Variants in TRMU observed in about 807,000 individuals in gnomAD.
The protein encoded by TRMU is tRNA mitochondrial 2-thiouridylase.
A neutral mutation model predicts 46.9 loss-of-function variants in TRMU; 49 were observed. That is an observed-to-expected ratio of 1.05 (90% confidence interval 0.83 to 1.33). The LOEUF is 1.33. Among genes scored for constraint, TRMU ranks in the 40% most tolerant of loss-of-function variants. TRMU has a pLI of 0.00. For missense variants in TRMU, 572 were observed against 532.4 expected (o/e 1.07, Z -0.73); for synonymous variants, 241 against 200.9 (o/e 1.20, Z -1.69).
At chr22:46,353,986 C>G in intron 8 of TRMU, 119 bp downstream of exon 8, 1 of 891,842 alleles carries the variant, frequency 1.1e-6, no homozygotes, top group South Asian at 1.4e-5. Flanking sequence ...CTGTGACTAA[C>G]TCTGTTCCTG....
At chr22:46,337,280 G>A (rs1601933579) in intron 1 of TRMU, among the ~76,000 whole-genome samples, 1 of 152,234 alleles carries the variant, frequency 6.6e-6, no homozygotes, top group African/African-American at 2.4e-5. Context: ...CAATATTTGG[G>A]TGAATATTTT....
At chr22:46,346,727 T>C (rs1012512632) in intron 4 of TRMU, among the ~76,000 whole-genome samples, 183 bp downstream of exon 4, 4 of 152,148 alleles carry the variant, frequency 2.6e-5, no homozygotes, top group African/African-American at 9.7e-5. Context: ...GGAGGGCCTG[T>C]GATTGGGTAG....
In TRMU at chr22:46,355,633, G is replaced by A. The variant is rs201061657; in HGVS notation, c.1018+45G>A. ...CTGAGGACGGGCCCCTTGAAGCTGAGCTTCCTGAGGCCAGATTTGGGCCAG... is the reference window on the plus strand; with the variant it reads ...CTGAGGACGGGCCCCTTGAAGCTGAACTTCCTGAGGCCAGATTTGGGCCAG... On this transcript the variant is annotated intron_variant, in intron 9 of 10. Coordinates refer to ENST00000645190, the MANE Select transcript of TRMU (RefSeq NM_018006.5). 6.0e-5 allele frequency: 96 copies of A among 1,613,086 alleles called. No homozygotes were observed. The African/African-American group carries it at 1.2e-3, about 21-fold the overall frequency.
intron 7 of TRMU, 199 bp downstream of exon 7, chr22:46,352,529 G>C (rs1277792149): frequency 1.5e-6 from 1 of 649,912 alleles, no homozygotes; most frequent in East Asian, 2.7e-5. Context: ...TTCCAGATGT[G>C]GCCTCAGCTG....
At position 46,352,251 on chromosome 22, in the gene TRMU, G is replaced by A; in HGVS notation, c.706-13G>A. 2 of 1,614,222 alleles carry A rather than the reference G, an allele frequency of 1.2e-6. No individual in the cohort carries two copies. Among genetic ancestry groups the A allele is most frequent in the Non-Finnish European group, 1.7e-6 (2 of 1,180,050 alleles). On this transcript the variant is annotated splice_polypyrimidine_tract_variant and intron_variant, in intron 6 of 10. Transcript: ENST00000645190. ...CCTAGATCTCCGTCGGTAATGACAT[G>A]TTTGTTTTCCAGTATCTGCAGCCTC...
chr22:46,337,868 TAC>T lies in TRMU; in HGVS notation c.174_175del (p.Tyr58Ter). 6.2e-7 allele frequency: 1 copy of T among 1,614,240 alleles called. No homozygotes were observed. Among genetic ancestry groups the T allele is most frequent in the South Asian group, 1.1e-5 (1 of 91,084 alleles). The stretch of plus-strand genomic sequence containing the variant: ...TGCCGACAAAGACTGTGAAGATGCT[TAC>T]AGAGTTTGCCAGATCTTAGACATCC... The part of the protein sequence containing the change: ...CTADKDCEDA[Y>X]RVCQILDIPF... On this transcript the variant is annotated frameshift_variant, in exon 2 of 11. Transcript: ENST00000645190. LOFTEE classifies it high-confidence loss of function.
chr22:46,352,471 G>A (rs373117833), intron 7 of TRMU, 141 bp downstream of exon 7: 19 of 965,644 alleles, frequency 2.0e-5, no homozygotes, highest in South Asian at 1.3e-4. Context: ...GGCCGGGGGC[G>A]GGCACGGCCT....
Position 46,338,771 on chromosome 22 carries a change from C to T in TRMU, c.248+827C>T, listed in dbSNP as rs1434369260. On this transcript the variant is annotated intron_variant, in intron 2 of 10. Coordinates refer to ENST00000645190, the MANE Select transcript of TRMU (RefSeq NM_018006.5). The surrounding 1 kb of genome is among the most constrained non-coding windows in gnomAD (Gnocchi z 4.5). Reference sequence around the variant, plus strand: ...CCTGCAGTGGAAGGAGTGTAGGGCTCATCCTCTGGTGAGCCCTGACTGTGA... The same window carrying T: ...CCTGCAGTGGAAGGAGTGTAGGGCTTATCCTCTGGTGAGCCCTGACTGTGA... 6.6e-6 allele frequency among the ~76,000 whole-genome samples: 1 copy of T among 151,774 alleles called. No individual in the cohort carries two copies. The highest frequency in any genetic ancestry group is 1.5e-5 in the Non-Finnish European group (1 of 67,930).
intron 10 of TRMU, chr22:46,356,631 C>T (rs2078617979): frequency 1.7e-6 from 1 of 598,018 alleles, no homozygotes. Context: ...GGGAGAGGTA[C>T]CCTGAAGACC....
chr22:46,354,179 A>G, intron 8 of TRMU: 1 of 362,740 alleles, frequency 2.8e-6, no homozygotes, highest in Admixed American at 3.8e-5. Context: ...TCCGGTGGAG[A>G]GGGCATGGCC....
rs1045778350 is a variant in TRMU, at chr22:46,349,772, C to T, written c.479-519C>T. Among the ~76,000 whole-genome samples, 2 of 152,204 alleles carry T rather than the reference C, an allele frequency of 1.3e-5. No individual in the cohort carries two copies. The highest frequency in any genetic ancestry group is 2.9e-5 in the Non-Finnish European group (2 of 68,036). ...CAAAAAAACGTTTTTACCAAGAAAG[C>T]TAATGCCTTCACAGGTAGGGCGCTG... On this transcript the variant is annotated intron_variant, in intron 4 of 10. Coordinates refer to ENST00000645190, the MANE Select transcript of TRMU (RefSeq NM_018006.5). This position sits in a 1 kb window ranked among gnomAD's most constrained non-coding sequence, Gnocchi z 4.6.
At chr22:46,345,055 G>T (rs2078215703) in intron 3 of TRMU, among the ~76,000 whole-genome samples, 1 of 152,092 alleles carries the variant, frequency 6.6e-6, no homozygotes, top group African/African-American at 2.4e-5. Flanking sequence ...AAAGTCTCTT[G>T]CAATACTAAA....
In TRMU at chr22:46,356,057, C is replaced by T. The variant is rs1198548459; in HGVS notation, c.1086C>T (p.Ala362=). ...VWVTAVQAVR[A]LATGQFAVFY... is the part of the protein sequence containing the mutation. ...TGACAGCTGTGCAGGCTGTGCGTGC[C>T]CTTGCCACAGGACAGGTGCGTGGGG... The change falls in exon 10 of 11, where the codon GCC becomes GCT. Residue 362 remains alanine (A), a synonymous_variant. Transcript: ENST00000645190. The T allele has an allele frequency of 1.2e-6, 2 of 1,613,860 alleles. No homozygotes were observed. The highest frequency in any genetic ancestry group is 2.2e-5 in the East Asian group (1 of 44,876).
At chr22:46,354,365 G>A (rs924450537) in intron 8 of TRMU, 2 of 182,384 alleles carry the variant, frequency 1.1e-5, no homozygotes, top group African/African-American at 4.7e-5. Flanking sequence ...ACCTTCAGGG[G>A]ACCTTGCCAG....
rs1487207461 is a variant in TRMU, at chr22:46,350,437, C to G, written c.625C>G (p.Leu209Val). 6.2e-7 allele frequency: 1 copy of G among 1,613,890 alleles called. No homozygotes were observed. The highest frequency in any genetic ancestry group is 1.7e-5 in the Admixed American group (1 of 60,032). ...FVKKIAAENR[L>V]HHVLQKKESM... Reference sequence around the variant, plus strand: ...AAAGAAAATCGCTGCTGAGAATAGACTTCATCATGTGCTTCAGAAGAAAGA... The same window carrying G: ...AAAGAAAATCGCTGCTGAGAATAGAGTTCATCATGTGCTTCAGAAGAAAGA... The change falls in exon 5 of 11, where the codon CTT becomes GTT. Residue 209 changes from leucine to valine, a missense_variant. Transcript: ENST00000645190. This position sits in a 1 kb window ranked among gnomAD's most constrained non-coding sequence, Gnocchi z 4.6.
In TRMU at chr22:46,350,995, A is replaced by T. The variant is rs1243075373; in HGVS notation, c.651+532A>T. ...AGTGGGGGACACAGGCAGGAGGCCA[A>T]TCAGTGTAAACCTAGAAAATGTCTA... On this transcript the variant is annotated intron_variant, in intron 5 of 10. Coordinates refer to ENST00000645190, the MANE Select transcript of TRMU (RefSeq NM_018006.5). The surrounding 1 kb of genome is among the most constrained non-coding windows in gnomAD (Gnocchi z 4.6). Among the ~76,000 whole-genome samples, 1 of 152,206 alleles carries T rather than the reference A, an allele frequency of 6.6e-6. No individual in the cohort carries two copies.
At position 46,352,166 on chromosome 22, in the gene TRMU, C is replaced by G; in HGVS notation, c.697C>G (p.Leu233Val). ...CGGGAAGAGGAATTTTGAACATTTC[C>G]TTCTTCAGGTGCGTGCTGCTCTTTG... ...FIGKRNFEHF[L>V]LQYLQPRPGH... Residue 233 changes from leucine (L) to valine (V), a missense_variant, in exon 6 of 11, where the codon CTT becomes GTT. Physicochemically the swap from Leu to Val is conservative, Grantham distance 32. Coordinates refer to ENST00000645190, the MANE Select transcript of TRMU (RefSeq NM_018006.5). The G allele has an allele frequency of 6.2e-7, 1 of 1,614,152 alleles. No homozygotes were observed. Among genetic ancestry groups the G allele is most frequent in the East Asian group, 2.2e-5 (1 of 44,878 alleles).
intron 8 of TRMU, chr22:46,354,233 T>A: frequency 3.2e-6 from 1 of 316,680 alleles, no homozygotes. Flanking sequence ...TCCAGTGAGT[T>A]GTTGTCAGGC....
intron 3 of TRMU, among the ~76,000 whole-genome samples, chr22:46,344,799 A>AT (rs2078209820): frequency 6.6e-6 from 1 of 152,236 alleles, no homozygotes; most frequent in Admixed American, 6.5e-5. Context: ...TTTTTCTAGT[A>AT]TAAGTGCTGT....
Sources: gnomAD v4.1 joint callset for allele counts (sites outside exome capture counted in the v4.1 genomes callset) on GRCh38, gnomAD v4.1.1 for gene constraint, Gnocchi (gnomAD v3.1) non-coding constraint, MANE v1.5 for transcripts, NCBI Gene and HGNC (gene_info 2026-07-23, HGNC 2026-07-21) for gene names.